HELQ: variants seen among roughly 807,000 people sequenced by gnomAD.
HELQ encodes the protein helicase POLQ-like.
A neutral mutation model predicts 111.6 loss-of-function variants in HELQ; 77 were observed. That is an observed-to-expected ratio of 0.69 (90% CI 0.57 to 0.83). HELQ has a LOEUF of 0.83. HELQ is among the 40% of genes least tolerant of loss of function. The pLI is 0.00. For missense variants in HELQ, 1,200 were observed against 1,288.5 expected, an observed-to-expected ratio of 0.93 and a Z score of 1.05; for synonymous variants, 438 against 454.7, an observed-to-expected ratio of 0.96 and a Z score of 0.47.
chr4:83,455,631 G>C lies in HELQ; in HGVS notation c.63C>G (p.Ser21Arg). The C allele has an allele frequency of 1.2e-6, 2 of 1,613,740 alleles. No homozygotes were observed. The highest frequency in any genetic ancestry group is 1.6e-4 in the Middle Eastern group (1 of 6,062). Residue 21 changes from serine to arginine, a missense_variant, in exon 1 of 18, where the codon AGC becomes AGG. By Grantham distance (110) the Ser-to-Arg change is moderately radical (BLOSUM62 -1). Around this residue, in one of 3 missense-constraint regions of HELQ, gnomAD observed 610 missense variants for 607.1 expected, o/e 1.00. Transcript: ENST00000295488. ...TGGGAGCGCCAAAAATACACCCCAA[G>C]CTTGGACGGTTCCTTTTGGGGAGAG... ...RVSLPKRNRP[S>R]LGCIFGAPTA...
rs376489600 is a variant in HELQ, at chr4:83,430,467, C to T, written c.2296-721G>A. 7.2e-5 allele frequency among the ~76,000 whole-genome samples: 11 copies of T among 152,234 alleles called. No individual in the cohort carries two copies. In the South Asian group the frequency reaches 1.2e-3, roughly 17 times the overall value. ...ACTGTTATTCACTATTTATAACTTA[C>T]AATGGCAATCATAAGGAATACTTAA... is the stretch of plus-strand genomic sequence containing the variant. On this transcript the variant is annotated intron_variant, in intron 11 of 17. Transcript: ENST00000295488.
At chr4:83,430,596 A>G (rs985669942) in intron 11 of HELQ, among the ~76,000 whole-genome samples, 2 of 152,202 alleles carry the variant, frequency 1.3e-5, no homozygotes, top group African/African-American at 4.8e-5. Context: ...TAGTCAATCA[A>G]TAAGTATATT....
intron 14 of HELQ, among the ~76,000 whole-genome samples, chr4:83,422,724 C>T (rs1719606254): frequency 6.6e-6 from 1 of 152,112 alleles, no homozygotes; most frequent in South Asian, 2.1e-4. Flanking sequence ...TGTTTTAAGC[C>T]ACCCATTTGT....
intron 17 of HELQ, among the ~76,000 whole-genome samples, chr4:83,416,285 A>T (rs1271036362): frequency 1.3e-5 from 2 of 151,686 alleles, no homozygotes; most frequent in African/African-American, 2.4e-5. Flanking sequence ...TCAATCTGTC[A>T]TCCTAGCTCA....
chr4:83,410,375 A>G (rs571416183), intron 17 of HELQ, among the ~76,000 whole-genome samples: 4 of 152,358 alleles, frequency 2.6e-5, no homozygotes, highest in African/African-American at 9.6e-5. Context: ...ACCAAGTAAC[A>G]TTTTAACACA....
At chr4:83,432,624 C>T (rs1007107497) in intron 9 of HELQ, among the ~76,000 whole-genome samples, 3 of 152,118 alleles carry the variant, frequency 2.0e-5, no homozygotes, top group East Asian at 1.9e-4. Flanking sequence ...GTCTCCAAAG[C>T]GTTTGGACTT....
At chr4:83,408,911 G>C (rs779915660) in intron 17 of HELQ, among the ~76,000 whole-genome samples, 8 of 152,142 alleles carry the variant, frequency 5.3e-5, no homozygotes, top group Non-Finnish European at 1.2e-4. Flanking sequence ...TTTATAGGAA[G>C]ATATTTAAAA....
chr4:83,423,906 G>A (rs986006985), intron 14 of HELQ, among the ~76,000 whole-genome samples: 11 of 151,198 alleles, frequency 7.3e-5, no homozygotes, highest in African/African-American at 2.7e-4. Flanking sequence ...CGACAAGAGC[G>A]AGACTCTGTA....
intron 14 of HELQ, among the ~76,000 whole-genome samples, chr4:83,425,042 G>A (rs763139187): frequency 2.6e-5 from 4 of 152,026 alleles, no homozygotes; most frequent in Non-Finnish European, 5.9e-5. Flanking sequence ...TGCTTTGGGA[G>A]AACGAGGCGG....
intron 8 of HELQ, among the ~76,000 whole-genome samples, chr4:83,437,675 G>A (rs770875321): frequency 6.6e-6 from 1 of 151,338 alleles, no homozygotes; most frequent in Non-Finnish European, 1.5e-5. Flanking sequence ...TAATTTCAGA[G>A]GGTTCGTGGA....
intron 2 of HELQ, among the ~76,000 whole-genome samples, chr4:83,450,387 T>G (rs1432308187): frequency 6.6e-6 from 1 of 151,148 alleles, no homozygotes; most frequent in Non-Finnish European, 1.5e-5. Flanking sequence ...GAAAGTTATA[T>G]CTGAATGACA....
intron 17 of HELQ, among the ~76,000 whole-genome samples, chr4:83,411,795 C>G (rs1227710857): frequency 6.6e-6 from 1 of 151,560 alleles, no homozygotes; most frequent in African/African-American, 2.4e-5. Flanking sequence ...ATCACCATGC[C>G]TGGCTAATTA....
intron 17 of HELQ, among the ~76,000 whole-genome samples, chr4:83,408,364 G>T (rs1160747891): frequency 5.9e-5 from 9 of 151,884 alleles, no homozygotes; most frequent in South Asian, 2.1e-4. Context: ...TGATTCAGAA[G>T]GCCTCAGCCT....
intron 16 of HELQ, among the ~76,000 whole-genome samples, chr4:83,417,197 T>C (rs533587000): frequency 8.5e-4 from 129 of 151,648 alleles, no homozygotes; most frequent in African/African-American, 2.8e-3. Context: ...CTTCTTTTTC[T>C]TTTCTTTTCT....
chr4:83,437,197 T>C, intron 8 of HELQ, 100 bp from the exon 9 acceptor site: 1 of 1,131,546 alleles, frequency 8.8e-7, no homozygotes, highest in African/African-American at 1.5e-5. Flanking sequence ...CATTCTTTAA[T>C]GTACTATTTC....
intron 14 of HELQ, among the ~76,000 whole-genome samples, chr4:83,425,749 A>AC (rs1204732999): frequency 4.6e-5 from 7 of 152,176 alleles, no homozygotes; most frequent in Admixed American, 1.3e-4. Context: ...TATTATGAAA[A>AC]CATTTCATGC....
Position 83,437,094 on chromosome 4 carries a change from T to C in HELQ, c.1812A>G (p.Glu604=), listed in dbSNP as rs1474865547. 1 of 1,612,676 alleles carries C rather than the reference T, an allele frequency of 6.2e-7. No homozygotes were observed. Among genetic ancestry groups the C allele is most frequent in the Non-Finnish European group, 8.5e-7 (1 of 1,179,364 alleles). ...TTTCTTTCTCCTTATGTTTCAGATA[T>C]TCCCTATGAAAAAGATCTGTTAGAA... The part of the protein sequence containing the change: ...AEMICKFLSK[E]YLKHKEKEKC... The change falls in exon 9 of 18, where the codon GAA becomes GAG. Residue 604 remains glutamate (E), a synonymous_variant. Coordinates refer to ENST00000295488, the MANE Select transcript of HELQ (RefSeq NM_133636.5).
At chr4:83,443,820 A>G (rs1329249917) in intron 5 of HELQ, among the ~76,000 whole-genome samples, 1 of 151,924 alleles carries the variant, frequency 6.6e-6, no homozygotes, top group Non-Finnish European at 1.5e-5. Context: ...TGAGGTGGGA[A>G]GATCGCTTGA....
chr4:83,427,813 CAA>C, intron 12 of HELQ, 93 bp from the exon 13 acceptor site: 1 of 837,252 alleles, frequency 1.2e-6, no homozygotes, highest in Non-Finnish European at 1.7e-6. Flanking sequence ...TTAAATATAG[CAA>C]AAAGTCTTCA....
Sources: allele counts gnomAD v4.1 joint callset (sites outside exome capture counted in the v4.1 genomes callset), GRCh38; gene constraint gnomAD v4.1.1; regional missense constraint gnomAD v4.1.1; transcripts MANE v1.5; gene names NCBI Gene and HGNC (gene_info 2026-07-23, HGNC 2026-07-21).